SYNE1: variants seen among roughly 807,000 people sequenced by gnomAD.
SYNE1 encodes spectrin repeat containing nuclear envelope protein 1.
In SYNE1, 616 loss-of-function variants were observed where a neutral mutation model predicts 1,111.0. The ratio of observed to expected loss-of-function variants is 0.55; its 90% CI spans 0.52 to 0.59. SYNE1 has a LOEUF of 0.59. Among genes scored for constraint, SYNE1 ranks in the 20% least tolerant of loss-of-function variants. SYNE1 has a pLI of 0.00. For synonymous variants in SYNE1, 3,855 were observed against 3,825.8 expected, an observed-to-expected ratio of 1.01 and a Z score of -0.28; for missense variants, 10,006 against 10,417.0, an observed-to-expected ratio of 0.96 and a Z score of 1.72.
chr6:152,343,047 T>C (rs777004641), intron 74 of SYNE1, among the ~76,000 whole-genome samples: 1 of 152,184 alleles, frequency 6.6e-6, no homozygotes, highest in Non-Finnish European at 1.5e-5. Context: ...TAGGAAACTA[T>C]CTCGAAGGCT....
At chr6:152,225,574 AG>A in intron 116 of SYNE1, 146 bp downstream of exon 116, 2 of 916,508 alleles carry the variant, frequency 2.2e-6, no homozygotes, top group Non-Finnish European at 3.4e-6. Context: ...AAAAAAAAAA[AG>A]AGGATAACGA....
chr6:152,176,284 A>T, intron 130 of SYNE1, 110 bp downstream of exon 130: 3 of 1,480,664 alleles, frequency 2.0e-6, no homozygotes, highest in Non-Finnish European at 2.8e-6. Context: ...ATGGTGAGAT[A>T]ACCCAGGAAG....
chr6:152,170,760 G>A (rs2064992547), intron 130 of SYNE1, among the ~76,000 whole-genome samples: 1 of 152,170 alleles, frequency 6.6e-6, no homozygotes, highest in Non-Finnish European at 1.5e-5. Flanking sequence ...TCTGGGATGA[G>A]AGCTGACCTC....
At chr6:152,616,133 A>T (rs1727039) in intron 3 of SYNE1, among the ~76,000 whole-genome samples, 124,472 of 152,144 alleles carry the variant, frequency 0.82, 51,354 homozygotes, top group African/African-American at 0.92. Context: ...AAGAAATGTA[A>T]AGGCAAGCTT....
At chr6:152,162,116 A>G (rs1010526012) in intron 131 of SYNE1, among the ~76,000 whole-genome samples, 1 of 152,190 alleles carries the variant, frequency 6.6e-6, no homozygotes, top group Non-Finnish European at 1.5e-5. Flanking sequence ...GCTTAGGAGG[A>G]ATCTGCCAGT....
intron 109 of SYNE1, 148 bp from the exon 110 acceptor site, chr6:152,236,451 T>C: frequency 1.5e-6 from 1 of 683,154 alleles, no homozygotes; most frequent in South Asian, 1.8e-5. Context: ...AACTTTAAGA[T>C]GTTTCATCTA....
chr6:152,375,622 A>G (rs2097266189), intron 58 of SYNE1, among the ~76,000 whole-genome samples: 1 of 152,218 alleles, frequency 6.6e-6, no homozygotes, highest in South Asian at 2.1e-4. Flanking sequence ...ATGAACAAAC[A>G]TAAAATATAA....
chr6:152,579,590 G>A (rs974591724), intron 3 of SYNE1, among the ~76,000 whole-genome samples: 2 of 152,030 alleles, frequency 1.3e-5, no homozygotes, highest in Non-Finnish European at 2.9e-5. Flanking sequence ...ATGTGTTGGG[G>A]GTTTACTATA....
At chr6:152,231,688 G>C in intron 113 of SYNE1, 121 bp from the exon 114 acceptor site, 1 of 1,050,126 alleles carries the variant, frequency 9.5e-7, no homozygotes, top group Non-Finnish European at 1.4e-6. Flanking sequence ...AGCTGAAATG[G>C]CACAATTTGT....
chr6:152,180,148 C>G lies in SYNE1; in HGVS notation c.23448G>C (p.Glu7816Asp), dbSNP rs767653103. 1 of 1,614,074 alleles carries G rather than the reference C, an allele frequency of 6.2e-7. No individual in the cohort carries two copies. Among genetic ancestry groups the G allele is most frequent in the Non-Finnish European group, 8.5e-7 (1 of 1,179,996 alleles). Residue 7816 changes from glutamate to aspartate, a missense_variant, in exon 129 of 146, where the codon GAG (glutamate) becomes GAC (aspartate). By Grantham distance (45) the Glu-to-Asp change is conservative (BLOSUM62 2). Coordinates refer to ENST00000367255, the MANE Select transcript of SYNE1 (RefSeq NM_182961.4). Reference sequence around the variant, plus strand: ...ATGCATTCCATACCTTCTTGAGCTTCTCTATCATTTCTTCAATGAGAATGT... The same window carrying G: ...ATGCATTCCATACCTTCTTGAGCTTGTCTATCATTTCTTCAATGAGAATGT... ...NGDILIEEMI[E>D]KLKKDYQEEI...
At chr6:152,415,687 G>A (rs1400069045) in intron 41 of SYNE1, among the ~76,000 whole-genome samples, 1 of 145,436 alleles carries the variant, frequency 6.9e-6, no homozygotes, top group African/African-American at 2.6e-5. Context: ...CAGATAATAA[G>A]ATCTACATAT....
chr6:152,395,826 C>A (rs1275554400), intron 50 of SYNE1, among the ~76,000 whole-genome samples, 155 bp from the exon 51 acceptor site: 1 of 152,186 alleles, frequency 6.6e-6, no homozygotes, highest in Admixed American at 6.5e-5. Flanking sequence ...CTAACCCACC[C>A]AAATTATCAC....
At chr6:152,197,331 A>T (rs1197587423) in intron 127 of SYNE1, among the ~76,000 whole-genome samples, 2 of 152,166 alleles carry the variant, frequency 1.3e-5, no homozygotes, top group Non-Finnish European at 2.9e-5. Flanking sequence ...GGAGAATTCT[A>T]CTCAGCCATC....
intron 11 of SYNE1, among the ~76,000 whole-genome samples, chr6:152,491,151 T>C (rs914805838): frequency 6.6e-6 from 1 of 151,854 alleles, no homozygotes; most frequent in African/African-American, 2.4e-5. Flanking sequence ...TTCACCCACA[T>C]TCCACTAGTG....
At chr6:152,156,500 C>T (rs1028629146) in intron 131 of SYNE1, among the ~76,000 whole-genome samples, 4 of 152,176 alleles carry the variant, frequency 2.6e-5, no homozygotes, top group African/African-American at 9.7e-5. Context: ...CACCAAAACC[C>T]ATGGATGCTT....
At chr6:152,619,449 G>A (rs971394838) in intron 3 of SYNE1, among the ~76,000 whole-genome samples, 2 of 147,766 alleles carry the variant, frequency 1.4e-5, no homozygotes, top group Non-Finnish European at 3.0e-5. Flanking sequence ...TTCATGGAGA[G>A]GAAATCCCAG....
chr6:152,330,562 T>A lies in SYNE1; in HGVS notation c.14123A>T (p.Glu4708Val). ...SKVPTDLAVE[E>V]ALSLQDGCRA... ...GCAACCATCTTGCAGAGAAAGAGCC[T>A]CCTCAACGGCCAGGTCGGTGGGAAC... The change falls in exon 78 of 146, where the codon GAG (glutamate) becomes GTG (valine). Residue 4708 changes from glutamate (E) to valine (V), a missense_variant. Glu to Val is a moderately radical substitution (Grantham distance 121). Around this residue, in one of 7 missense-constraint regions of SYNE1, gnomAD observed 4,955 missense variants for 5,017.2 expected, o/e 0.99. Transcript: ENST00000367255. The A allele has an allele frequency of 6.2e-7, 1 of 1,614,012 alleles. No homozygotes were observed. The highest frequency in any genetic ancestry group is 8.5e-7 in the Non-Finnish European group (1 of 1,180,028).
At chr6:152,168,740 C>T (rs1165185501) in intron 130 of SYNE1, among the ~76,000 whole-genome samples, 2 of 151,882 alleles carry the variant, frequency 1.3e-5, no homozygotes, top group African/African-American at 4.8e-5. Context: ...GGGTTGTTTG[C>T]GAAGGTGGGA....
chr6:152,230,680 A>G lies in SYNE1; in HGVS notation c.21062T>C (p.Leu7021Ser). The G allele has an allele frequency of 6.2e-7, 1 of 1,614,060 alleles. No individual in the cohort carries two copies. The highest frequency in any genetic ancestry group is 8.5e-7 in the Non-Finnish European group (1 of 1,179,958). The part of the protein sequence containing the change: ...TEKIQLLEGL[L>S]ESWSEYENNV... ...ATTTTCATATTCTGACCAAGATTCC[A>G]ATAAGCCTTCCAACAGCTGGATCTG... The change falls in exon 115 of 146, where the codon TTG becomes TCG. Residue 7021 changes from leucine (L) to serine (S), a missense_variant. Leu to Ser is a moderately radical substitution (Grantham distance 145). Transcript: ENST00000367255.
Sources: allele counts gnomAD v4.1 joint callset (sites outside exome capture counted in the v4.1 genomes callset), GRCh38; gene constraint gnomAD v4.1.1; regional missense constraint gnomAD v4.1.1; transcripts MANE v1.5; gene names NCBI Gene and HGNC (gene_info 2026-07-23, HGNC 2026-07-21).